RABGEF1: variants seen among roughly 807,000 people sequenced by gnomAD.
RABGEF1 encodes RAB guanine nucleotide exchange factor 1, also known as rab5 GDP/GTP exchange factor.
Under a neutral mutation model 57.3 loss-of-function variants are expected in RABGEF1, and 26 were observed. The ratio of observed to expected loss-of-function variants is 0.45; its 90% confidence interval spans 0.33 to 0.63. The LOEUF (loss-of-function observed/expected upper bound fraction) is 0.63, where lower values mean the gene tolerates loss of function less well. RABGEF1 is among the 20% of genes least tolerant of loss of function. The probability of loss-of-function intolerance (pLI) is 0.02; values close to 1 mark genes in which losing one functional copy is unlikely to be tolerated. For missense variants in RABGEF1, 464 were observed against 607.6 expected, an observed-to-expected ratio of 0.76 and a Z score of 2.48; for synonymous variants, 185 against 210.7, an observed-to-expected ratio of 0.88 and a Z score of 1.06.
chr7:66,752,961 T>C (rs964127167), intron 1 of RABGEF1, among the ~76,000 whole-genome samples: 11 of 152,224 alleles, frequency 7.2e-5, no homozygotes, highest in Non-Finnish European at 1.6e-4. Context: ...AGAAAACATC[T>C]ATTGAGCACC....
chr7:66,762,768 T>C (rs1461909527), intron 1 of RABGEF1, among the ~76,000 whole-genome samples: 3 of 151,926 alleles, frequency 2.0e-5, no homozygotes, highest in South Asian at 2.1e-4. Context: ...AGAAATGGCA[T>C]TGGGTCCAAT....
intron 4 of RABGEF1, among the ~76,000 whole-genome samples, chr7:66,786,521 A>C (rs62464647): frequency 0.037 from 5,578 of 152,152 alleles, 161 homozygotes; most frequent in East Asian, 0.086. Context: ...CTCCTGCCTT[A>C]GTCTCCTGAG....
chr7:66,680,540 A>G (rs552813235), upstream of RABGEF1, among the ~76,000 whole-genome samples: 2 of 146,332 alleles, frequency 1.4e-5, no homozygotes, highest in East Asian at 4.6e-4. Context: ...CACCGCACCC[A>G]GCCATACTTT....
intron 3 of RABGEF1, among the ~76,000 whole-genome samples, chr7:66,779,069 C>T (rs1374896215): frequency 2.6e-5 from 4 of 151,908 alleles, no homozygotes; most frequent in Non-Finnish European, 4.4e-5. Flanking sequence ...GAGCTGAGAT[C>T]GTGCCACTCC....
In RABGEF1 at chr7:66,696,689, C is replaced by CAAAAAAAA. The variant is rs71049476; in HGVS notation, c.-873+14447_-873+14454dup. The stretch of plus-strand genomic sequence containing the variant: ...TGGGTGACAGGGCGAGACTCCGTCT[C>CAAAAAAAA]AAAAAAAAAAAAAAAAAAAAAAAGA... On this transcript the variant is annotated intron_variant and NMD_transcript_variant, in intron 1 of 9. Coordinates refer to the RABGEF1 transcript ENST00000607882. Among the ~76,000 whole-genome samples the CAAAAAAAA allele has an allele frequency of 5.3e-4, 35 of 66,178 alleles. 1 individual carries two copies. The highest frequency in any genetic ancestry group is 6.7e-4 in the African/African-American group (10 of 15,008). The allele number at this position is 66,178 out of a possible 152,430, so 43.4% of individuals were successfully genotyped here.
chr7:66,719,980 A>G, intron 2 of RABGEF1, among the ~76,000 whole-genome samples: 1 of 152,150 alleles, frequency 6.6e-6, no homozygotes, highest in Non-Finnish European at 1.5e-5. Flanking sequence ...AGCAAATCAA[A>G]CCCAATAAAT....
chr7:66,732,492 A>G (rs943668956), intron 2 of RABGEF1, among the ~76,000 whole-genome samples: 3 of 152,174 alleles, frequency 2.0e-5, no homozygotes, highest in African/African-American at 7.2e-5. Flanking sequence ...GTGGAGGTCC[A>G]TATACCCAAG....
intron 1 of RABGEF1, among the ~76,000 whole-genome samples, chr7:66,711,507 C>A (rs1794776916): frequency 6.6e-6 from 1 of 151,650 alleles, no homozygotes; most frequent in Admixed American, 6.6e-5. Context: ...TAAAGATTAT[C>A]CTTACTCCAT....
intron 3 of RABGEF1, among the ~76,000 whole-genome samples, chr7:66,783,061 G>A (rs951676709): frequency 6.6e-6 from 1 of 152,182 alleles, no homozygotes; most frequent in Admixed American, 6.5e-5. Flanking sequence ...GTGGGATAGT[G>A]TAGTGCATGT....
chr7:66,699,879 A>G (rs1792966813), intron 1 of RABGEF1, among the ~76,000 whole-genome samples: 1 of 152,154 alleles, frequency 6.6e-6, no homozygotes, highest in South Asian at 2.1e-4. Context: ...TAAAATGGGA[A>G]TGATAGCAAA....
intron 1 of RABGEF1, among the ~76,000 whole-genome samples, chr7:66,704,757 G>C (rs1203538698): frequency 6.6e-6 from 1 of 151,562 alleles, no homozygotes; most frequent in Non-Finnish European, 1.5e-5. Context: ...TTTGCAGTGA[G>C]CCGAGATTGT....
At chr7:66,668,823 A>G in the RABGEF1 span, 1 of 152,412 alleles carries the variant, frequency 6.6e-6, no homozygotes, top group South Asian at 2.1e-4. Flanking sequence ...GCCTTTCTGA[A>G]TTCTTAGCAG....
chr7:66,702,349 G>GTT (rs1207122982), intron 1 of RABGEF1, among the ~76,000 whole-genome samples: 7 of 47,700 alleles, frequency 1.5e-4, no homozygotes, highest in African/African-American at 4.3e-4. Flanking sequence ...TGTTTTGTTT[G>GTT]TGTGTGTGTG....
chr7:66,794,095 A>G (rs1813411376), intron 4 of RABGEF1, among the ~76,000 whole-genome samples: 1 of 152,168 alleles, frequency 6.6e-6, no homozygotes, highest in South Asian at 2.1e-4. Flanking sequence ...TTGCTAAAAA[A>G]TTTAGTTAGA....
chr7:66,746,873 A>T (rs1164001188), intron 1 of RABGEF1, among the ~76,000 whole-genome samples: 1 of 151,620 alleles, frequency 6.6e-6, no homozygotes, highest in Non-Finnish European at 1.5e-5. Context: ...GCTTACTACA[A>T]CCTCTGCCTC....
At chr7:66,760,469 A>G in intron 1 of RABGEF1, among the ~76,000 whole-genome samples, 1 of 142,174 alleles carries the variant, frequency 7.0e-6, no homozygotes. Flanking sequence ...TTGGAGACAG[A>G]GTCTCGCTCT....
chr7:66,762,290 A>G (rs1804615170), intron 1 of RABGEF1, among the ~76,000 whole-genome samples: 1 of 152,184 alleles, frequency 6.6e-6, no homozygotes, highest in Non-Finnish European at 1.5e-5. Flanking sequence ...AAAAATATTT[A>G]TTAGAAATAG....
At chr7:66,663,097 A>G in the RABGEF1 span, among the ~76,000 whole-genome samples, 1 of 141,388 alleles carries the variant, frequency 7.1e-6, no homozygotes, top group Non-Finnish European at 1.6e-5. Context: ...AAATAATAAC[A>G]TGAGCGCTCT....
At chr7:66,678,999 T>G (rs1490777581), upstream of RABGEF1, among the ~76,000 whole-genome samples, 2 of 152,162 alleles carry the variant, frequency 1.3e-5, no homozygotes, top group East Asian at 1.9e-4. Context: ...TAAAGTCATG[T>G]GTGATAGATG....
Sources: allele counts gnomAD v4.1 joint callset (sites outside exome capture counted in the v4.1 genomes callset), GRCh38; gene constraint gnomAD v4.1.1; transcripts MANE v1.5; gene names NCBI Gene and HGNC (gene_info 2026-07-23, HGNC 2026-07-21).